Variants in DNAH11 observed in about 807,000 individuals in gnomAD.
The protein encoded by DNAH11 is axonemal beta dynein heavy chain 11.
Under a neutral mutation model 526.0 loss-of-function variants are expected in DNAH11, and 442 were observed. That is an observed-to-expected ratio of 0.84 (90% CI 0.78 to 0.91). The LOEUF is 0.91. Ranked by LOEUF, DNAH11 falls within the 40% of genes least tolerant of loss-of-function variation. DNAH11 has a pLI of 0.00. For missense variants in DNAH11, 6,989 were observed against 5,448.7 expected, an observed-to-expected ratio of 1.28 and a Z score of -8.90; for synonymous variants, 2,461 against 1,935.9, an observed-to-expected ratio of 1.27 and a Z score of -7.12.
intron 55 of DNAH11, among the ~76,000 whole-genome samples, chr7:21,772,272 A>C (rs1314128435): frequency 1.3e-5 from 2 of 151,762 alleles, no homozygotes; most frequent in African/African-American, 4.8e-5. Context: ...TGTTAAAGAG[A>C]GCTTTCAGCG....
rs542902513 is a variant in DNAH11, at chr7:21,880,558, T to A, written c.12196-144T>A. 32 of 775,038 alleles carry A rather than the reference T, an allele frequency of 4.1e-5. No homozygotes were observed. In the African/African-American group the frequency reaches 5.2e-4, roughly 13 times the overall value. The allele number at this position is 775,038 out of a possible 1,614,324, so 48.0% of individuals were successfully genotyped here. ...ATGCCAAATAATCTCCTGTTAAGCT[T>A]CTCATTGGATAAGTAGCCATGCTGA... On this transcript the variant is annotated intron_variant, in intron 74 of 81. Coordinates refer to ENST00000409508, the MANE Select transcript of DNAH11 (RefSeq NM_001277115.2).
chr7:21,758,288 A>G (rs1786724632), intron 54 of DNAH11, among the ~76,000 whole-genome samples: 1 of 152,256 alleles, frequency 6.6e-6, no homozygotes, highest in African/African-American at 2.4e-5. Context: ...CAAAAGGTGC[A>G]ACCTTGTACT....
intron 25 of DNAH11, among the ~76,000 whole-genome samples, chr7:21,635,262 T>C (rs1786806149): frequency 6.6e-6 from 1 of 152,160 alleles, no homozygotes; most frequent in Non-Finnish European, 1.5e-5. Flanking sequence ...GTTCACACCG[T>C]TCTCCTGCCT....
At chr7:21,891,129 G>A (rs985495243) in intron 76 of DNAH11, among the ~76,000 whole-genome samples, 11 of 152,078 alleles carry the variant, frequency 7.2e-5, no homozygotes, top group Admixed American at 1.3e-4. Context: ...CCTTAATAAC[G>A]AGGTCATATG....
At chr7:21,900,194 T>C (rs749860323) in intron 81 of DNAH11, 74 bp downstream of exon 81, 35 of 1,456,232 alleles carry the variant, frequency 2.4e-5, no homozygotes, top group Non-Finnish European at 3.1e-5. Context: ...CTCTGCTTAC[T>C]GTTTCTCAGC....
chr7:21,556,789 C>T (rs138158990), intron 2 of DNAH11, among the ~76,000 whole-genome samples: 14 of 152,266 alleles, frequency 9.2e-5, no homozygotes, highest in East Asian at 1.9e-4. Context: ...TGGCCAGGTG[C>T]GGTGGCTCGC....
Position 21,741,940 on chromosome 7 carries a change from T to A in DNAH11, c.7928T>A (p.Val2643Glu). The A allele has an allele frequency of 6.2e-7, 1 of 1,613,848 alleles. No individual in the cohort carries two copies. The highest frequency in any genetic ancestry group is 2.2e-5 in the East Asian group (1 of 44,880). ...INPRLQRHFTVFAFNFPSLDA... is the reference protein window; with the variant it reads ...INPRLQRHFTEFAFNFPSLDA... ...TTTTCTTTTCAGAGACATTTCACAG[T>A]GTTTGCATTCAATTTTCCATCTTTG... The change falls in exon 49 of 82, where the codon GTG becomes GAG. Residue 2643 changes from valine to glutamate, a missense_variant. Physicochemically the swap from Val to Glu is moderately radical, Grantham distance 121 (BLOSUM62 -2). Coordinates refer to ENST00000409508, the MANE Select transcript of DNAH11 (RefSeq NM_001277115.2).
At position 21,695,784 on chromosome 7, in the gene DNAH11, T is replaced by A. The variant is rs556028500; in HGVS notation, c.6042-2291T>A. On this transcript the variant is annotated intron_variant, in intron 35 of 81. Coordinates refer to ENST00000409508, the MANE Select transcript of DNAH11 (RefSeq NM_001277115.2). ...AATGTGTCTACACAGCAAAAGAAAC[T>A]GTCATCAGAGTGAACAAGCAACCTA... Among the ~76,000 whole-genome samples the A allele has an allele frequency of 7.9e-5, 12 of 152,254 alleles. No homozygotes were observed. The East Asian group carries it at 1.9e-3, about 24-fold the overall frequency.
chr7:21,742,700 T>A (rs917694520), intron 49 of DNAH11, among the ~76,000 whole-genome samples: 1 of 152,144 alleles, frequency 6.6e-6, no homozygotes, highest in Non-Finnish European at 1.5e-5. Flanking sequence ...CTATATACTT[T>A]TGTATGTATT....
intron 17 of DNAH11, 94 bp downstream of exon 17, chr7:21,601,273 C>T: frequency 6.9e-7 from 1 of 1,455,148 alleles, no homozygotes; most frequent in Non-Finnish European, 9.3e-7. Context: ...TTGCCAGTTT[C>T]ATGATAGAGA....
intron 40 of DNAH11, among the ~76,000 whole-genome samples, chr7:21,709,444 G>A (rs1305151297): frequency 6.6e-6 from 1 of 152,130 alleles, no homozygotes; most frequent in East Asian, 1.9e-4. Flanking sequence ...AAGGAGAGCA[G>A]CAGGGGATGA....
At chr7:21,693,932 G>T (rs550896609) in intron 35 of DNAH11, among the ~76,000 whole-genome samples, 1 of 152,284 alleles carries the variant, frequency 6.6e-6, no homozygotes, top group South Asian at 2.1e-4. Context: ...GTCTTACAAG[G>T]TGGACCAGGA....
intron 62 of DNAH11, among the ~76,000 whole-genome samples, chr7:21,803,599 C>T (rs1789099201): frequency 8.9e-6 from 1 of 112,278 alleles, no homozygotes; most frequent in African/African-American, 4.1e-5. Context: ...CACCTCCTGC[C>T]CAAAAAAAAA....
intron 63 of DNAH11, among the ~76,000 whole-genome samples, chr7:21,811,534 AG>A (rs1487308378): frequency 6.6e-6 from 1 of 152,124 alleles, no homozygotes; most frequent in Non-Finnish European, 1.5e-5. Flanking sequence ...TCACAGAGAC[AG>A]AAAGTGGAAT....
rs900261273 is a variant in DNAH11 at position 21,543,445 on chromosome 7, C to T, written c.200C>T (p.Ala67Val). The change falls in exon 1 of 82, where the codon GCG (alanine) becomes GTG (valine). Residue 67 changes from alanine to valine, a missense_variant. By Grantham distance (64) the Ala-to-Val change is moderately conservative (BLOSUM62 0). Transcript: ENST00000409508. ...GTGCGCTTCCTCGGCGGCCGCCTGG[C>T]GATGATGCTGGGGTTCACGGAGGAG... ...ARVRFLGGRL[A>V]MMLGFTEEKW... 2.6e-6 allele frequency: 4 copies of T among 1,565,888 alleles called. No individual in the cohort carries two copies. Among genetic ancestry groups the T allele is most frequent in the South Asian group, 1.2e-5 (1 of 85,314 alleles).
intron 39 of DNAH11, among the ~76,000 whole-genome samples, chr7:21,705,870 C>T (rs946180376): frequency 6.6e-6 from 1 of 152,168 alleles, no homozygotes; most frequent in Non-Finnish European, 1.5e-5. Flanking sequence ...CCTTTCAATA[C>T]ATTTATGCTT....
chr7:21,644,989 A>C (rs1219562230), intron 28 of DNAH11, among the ~76,000 whole-genome samples: 3 of 152,136 alleles, frequency 2.0e-5, no homozygotes, highest in African/African-American at 7.2e-5. Context: ...TTTTTTCTTC[A>C]TTTTGCATAT....
Position 21,773,833 on chromosome 7 carries a change from C to T in DNAH11, c.9170C>T (p.Thr3057Ile), listed in dbSNP as rs1787543739. The T allele has an allele frequency of 6.2e-7, 1 of 1,608,328 alleles. No homozygotes were observed. The highest frequency in any genetic ancestry group is 8.5e-7 in the Non-Finnish European group (1 of 1,177,464). The stretch of plus-strand genomic sequence containing the variant: ...CACACCACTGTAAATGAAATGAGTA[C>T]CAGATATTACCAGAATGAGAGAAGA... ...HVHTTVNEMS[T>I]RYYQNERRHN... The change falls in exon 56 of 82, where the codon ACC (threonine) becomes ATC (isoleucine). Residue 3057 changes from threonine to isoleucine, a missense_variant. Coordinates refer to ENST00000409508, the MANE Select transcript of DNAH11 (RefSeq NM_001277115.2).
chr7:21,750,692 A>T (rs764035), intron 54 of DNAH11, among the ~76,000 whole-genome samples: 1 of 152,200 alleles, frequency 6.6e-6, no homozygotes, highest in East Asian at 1.9e-4. Flanking sequence ...GTGGGATTGC[A>T]GAGGAGCGCA....
Sources: gnomAD v4.1 joint callset for allele counts (sites outside exome capture counted in the v4.1 genomes callset) on GRCh38, gnomAD v4.1.1 for gene constraint, MANE v1.5 for transcripts, NCBI Gene and HGNC (gene_info 2026-07-23, HGNC 2026-07-21) for gene names.